Variants in DNAJC11 observed in about 807,000 individuals in gnomAD.
DNAJC11 encodes the protein DnaJ heat shock protein family (Hsp40) member C11, also known as dnaJ homolog subfamily C member 11.
In DNAJC11, 15 loss-of-function variants were observed where a neutral mutation model predicts 78.6. That is an observed-to-expected ratio of 0.19 (90% CI 0.13 to 0.29). DNAJC11 has a LOEUF of 0.29. Among genes scored for constraint, DNAJC11 ranks in the 10% least tolerant of loss-of-function variants. The pLI is 1.00. For synonymous variants in DNAJC11, 292 were observed against 272.1 expected, an observed-to-expected ratio of 1.07 and a Z score of -0.72; for missense variants, 547 against 709.6, an observed-to-expected ratio of 0.77 and a Z score of 2.60.
chr1:6,685,599 A>G (rs1342697317), intron 1 of DNAJC11, among the ~76,000 whole-genome samples: 1 of 152,164 alleles, frequency 6.6e-6, no homozygotes, highest in African/African-American at 2.4e-5. Context: ...ATCAGGACTC[A>G]CCTGTATCAA....
chr1:6,635,576 A>G lies in DNAJC11; in HGVS notation c.*99T>C. On this transcript the variant is annotated 3_prime_UTR_variant, in exon 16 of 16. Coordinates refer to ENST00000377577, the MANE Select transcript of DNAJC11 (RefSeq NM_018198.4). ...TACCACCTTCTATAATAATAATATA[A>G]AATAAAAACATCTGATGTCTGGGTT... The G allele has an allele frequency of 7.9e-7, 1 of 1,264,952 alleles. No homozygotes were observed. The allele number at this position is 1,264,952 out of a possible 1,614,324, so 78.4% of individuals were successfully genotyped here. A position where few individuals can be genotyped will look rare whatever the true frequency, so the allele number is the denominator to read the frequency against.
intron 3 of DNAJC11, among the ~76,000 whole-genome samples, chr1:6,671,527 C>T (rs552099619): frequency 2.0e-5 from 3 of 147,950 alleles, no homozygotes; most frequent in South Asian, 2.1e-4. Context: ...TGAGCCACTG[C>T]GCCTGGCCAT....
chr1:6,680,918 C>T lies in DNAJC11; in HGVS notation c.192G>A (p.Gln64=). The change falls in exon 2 of 16, where the codon CAG becomes CAA. Residue 64 remains glutamine, a synonymous_variant. Transcript: ENST00000377577. The surrounding 1 kb of genome is among the most constrained non-coding windows in gnomAD (Gnocchi z 4.0). ...CGGCCCTCCACTGACCTTCATAAGC[C>T]TGGTGAACAAGGTTAAACAGTCGTT... ...QAERLFNLVH[Q]AYEVLSDPQT... 6.2e-7 allele frequency: 1 copy of T among 1,613,948 alleles called. No homozygotes were observed.
chr1:6,645,748 C>T lies in DNAJC11; in HGVS notation c.894+41G>A. 1 of 1,605,270 alleles carries T rather than the reference C, an allele frequency of 6.2e-7. No individual in the cohort carries two copies. The highest frequency in any genetic ancestry group is 1.7e-4 in the Middle Eastern group (1 of 5,988). On this transcript the variant is annotated intron_variant, in intron 8 of 15. Coordinates refer to ENST00000377577, the MANE Select transcript of DNAJC11 (RefSeq NM_018198.4). This position sits in a 1 kb window ranked among gnomAD's most constrained non-coding sequence, Gnocchi z 4.1. The stretch of plus-strand genomic sequence containing the variant: ...TGAGTGCTTGGGAGGAGGGGTCCTC[C>T]CAGAGCTCTGTCTGCAGGAGATGAT...
chr1:6,662,121 G>GTTTTTT (rs1185007632), intron 4 of DNAJC11, among the ~76,000 whole-genome samples: 4 of 48,234 alleles, frequency 8.3e-5, no homozygotes, highest in African/African-American at 2.4e-4. Context: ...CCAGTTAATT[G>GTTTTTT]TTTTTTGTTT....
chr1:6,641,681 G>A (rs1641880769), intron 10 of DNAJC11, among the ~76,000 whole-genome samples: 1 of 152,012 alleles, frequency 6.6e-6, no homozygotes, highest in South Asian at 2.1e-4. Context: ...ACTGTACTGA[G>A]CCTTCAAATA....
intron 4 of DNAJC11, among the ~76,000 whole-genome samples, chr1:6,660,087 A>C (rs1642186096): frequency 6.6e-6 from 1 of 151,012 alleles, no homozygotes; most frequent in Non-Finnish European, 1.5e-5. Context: ...AATCAAAACA[A>C]AAAAACTGCA....
chr1:6,647,502 A>C (rs1641983915), intron 7 of DNAJC11, among the ~76,000 whole-genome samples: 1 of 152,150 alleles, frequency 6.6e-6, no homozygotes, highest in Non-Finnish European at 1.5e-5. Context: ...ATCCATAACT[A>C]ACCTGGCCAC....
chr1:6,640,184 G>A (rs1420449877), intron 10 of DNAJC11, 127 bp from the exon 11 acceptor site: 1 of 1,183,026 alleles, frequency 8.5e-7, no homozygotes, highest in Non-Finnish European at 1.1e-6. Context: ...AAAGGAGCCT[G>A]CAGTCTGCTC....
chr1:6,677,090 A>C (rs1040455620), intron 3 of DNAJC11, among the ~76,000 whole-genome samples: 3 of 146,966 alleles, frequency 2.0e-5, no homozygotes, highest in African/African-American at 7.5e-5. Flanking sequence ...CAGGAGAATC[A>C]CTTGTTGCAG....
At chr1:6,689,003 C>G (rs148846484) in intron 1 of DNAJC11, among the ~76,000 whole-genome samples, 43 of 152,276 alleles carry the variant, frequency 2.8e-4, no homozygotes, top group African/African-American at 9.6e-4. Context: ...GGCAGAACAT[C>G]ACCACAAAGT....
intron 1 of DNAJC11, among the ~76,000 whole-genome samples, chr1:6,692,079 C>G (rs1239067710): frequency 1.3e-5 from 2 of 152,078 alleles, no homozygotes; most frequent in African/African-American, 4.8e-5. Flanking sequence ...AAATTCACAG[C>G]AAATACAAAA....
At chr1:6,637,852 CAGG>C (rs1478095347) in intron 12 of DNAJC11, 5 of 428,074 alleles carry the variant, frequency 1.2e-5, no homozygotes, top group African/African-American at 1.0e-4. Flanking sequence ...AGAGATTTCA[CAGG>C]AGAAGCTGGA....
intron 3 of DNAJC11, among the ~76,000 whole-genome samples, chr1:6,669,977 G>C (rs560788032): frequency 6.7e-6 from 1 of 150,344 alleles, no homozygotes; most frequent in Admixed American, 6.6e-5. Context: ...TTTTTGAGAC[G>C]GAGTCTTGCT....
intron 3 of DNAJC11, among the ~76,000 whole-genome samples, chr1:6,677,839 C>G (rs1018000702): frequency 6.6e-6 from 1 of 152,212 alleles, no homozygotes; most frequent in African/African-American, 2.4e-5. Context: ...TTGTTTCACT[C>G]ATCACATTTG....
chr1:6,637,127 G>C (rs2148726068), intron 14 of DNAJC11, 71 bp downstream of exon 14: 1 of 1,588,554 alleles, frequency 6.3e-7, no homozygotes, highest in East Asian at 2.2e-5. Context: ...TAGGATTATA[G>C]GCCTGAGTCA....
chr1:6,656,715 C>CA (rs139125868), intron 4 of DNAJC11, among the ~76,000 whole-genome samples: 28,932 of 115,878 alleles, frequency 0.25, 3,352 homozygotes, highest in Admixed American at 0.38. Flanking sequence ...TCTGTCTCCA[C>CA]AAAAAAAACT....
chr1:6,677,093 T>C (rs1449434748), intron 3 of DNAJC11, among the ~76,000 whole-genome samples: 1 of 149,174 alleles, frequency 6.7e-6, no homozygotes, highest in Non-Finnish European at 1.5e-5. Flanking sequence ...GAGAATCACT[T>C]GTTGCAGTGA....
intron 1 of DNAJC11, among the ~76,000 whole-genome samples, chr1:6,685,237 G>C (rs565766007): frequency 4.6e-5 from 7 of 152,358 alleles, no homozygotes; most frequent in Admixed American, 2.0e-4. Context: ...GGCTAGATCA[G>C]TGGTTCTCAA....
Sources: gnomAD v4.1 joint callset for allele counts (sites outside exome capture counted in the v4.1 genomes callset) on GRCh38, gnomAD v4.1.1 for gene constraint, Gnocchi (gnomAD v3.1) non-coding constraint, MANE v1.5 for transcripts, NCBI Gene and HGNC (gene_info 2026-07-23, HGNC 2026-07-21) for gene names.